Variants in IGSF10 observed in about 807,000 individuals in gnomAD.
IGSF10 encodes the protein calvaria mechanical force protein 608.
A neutral mutation model predicts 128.2 loss-of-function variants in IGSF10; 126 were observed. The observed-to-expected ratio is 0.98, with a 90% CI of 0.85 to 1.14. The LOEUF (loss-of-function observed/expected upper bound fraction) is 1.14. Ranked by LOEUF, IGSF10 falls within the 50% of genes most tolerant of loss-of-function variation. The pLI, the probability that IGSF10 is intolerant of heterozygous loss-of-function variation, is 0.00. For missense variants in IGSF10, 3,295 were observed against 3,149.8 expected (o/e 1.05, Z -1.10); for synonymous variants, 1,185 against 1,146.2 (o/e 1.03, Z -0.68).
At chr3:151,578,329 G>A in the IGSF10 span, among the ~76,000 whole-genome samples, 1 of 152,120 alleles carries the variant, frequency 6.6e-6, no homozygotes, top group Non-Finnish European at 1.5e-5. Context: ...GGTATCTTAT[G>A]GCAAGTACTC....
rs751019784 is a variant in IGSF10, at chr3:151,437,615, G to A, written c.6946C>T (p.Arg2316Ter). 38 of 1,613,814 alleles carry A rather than the reference G, an allele frequency of 2.4e-5. No individual in the cohort carries two copies. The highest frequency in any genetic ancestry group is 6.6e-5 in the South Asian group (6 of 91,058). The change falls in exon 8 of 8, where the codon CGA (arginine) becomes TGA (stop). Residue 2316 changes from arginine to a stop codon, truncating the protein, a stop_gained. Coordinates refer to ENST00000282466, the MANE Select transcript of IGSF10 (RefSeq NM_178822.5). LOFTEE classifies it low-confidence loss of function (END_TRUNC). ...SDSADFICVA[R>*]NEGGESVLVV... ...AACACGCTCTCTCCACCTTCATTTC[G>A]GGCCACACAGATAAAGTCGGCTGAA...
rs776231543 is a variant in IGSF10 at position 151,449,160 on chromosome 3, G to A, written c.821C>T (p.Ala274Val). 55 of 1,614,066 alleles carry A rather than the reference G, an allele frequency of 3.4e-5. No homozygotes were observed. The highest frequency in any genetic ancestry group is 1.6e-4 in the Middle Eastern group (1 of 6,084). ...SKGKPLAMVS[A>V]AAFQCAKPTI... ...TGGCTTGGCACACTGGAAAGCTGCAGCTGAGACCATAGCTAACGGCTTGCC... is the reference window on the plus strand; with the variant it reads ...TGGCTTGGCACACTGGAAAGCTGCAACTGAGACCATAGCTAACGGCTTGCC... Residue 274 changes from alanine (A) to valine (V), a missense_variant, in exon 6 of 8, where the codon GCT becomes GTT. By Grantham distance (64) the Ala-to-Val change is moderately conservative. Coordinates refer to ENST00000282466, the MANE Select transcript of IGSF10 (RefSeq NM_178822.5).
At chr3:151,487,981 G>T in the IGSF10 span, among the ~76,000 whole-genome samples, 4 of 152,126 alleles carry the variant, frequency 2.6e-5, no homozygotes, top group South Asian at 2.1e-4. Flanking sequence ...TCTGGCCAGG[G>T]TAATCAGGCA....
rs1337903396 is a variant in IGSF10, at chr3:151,448,583, C to T, written c.1398G>A (p.Arg466=). Residue 466 remains arginine, a synonymous_variant, in exon 6 of 8, where the codon AGG becomes AGA. Transcript: ENST00000282466. The part of the protein sequence containing the change: ...AQITLPRAEM[R]PVKHKWTMIS... ...TCATAGTCCATTTGTGTTTCACTGG[C>T]CTCATCTCTGCTCTTGGTAAAGTGA... is the stretch of plus-strand genomic sequence containing the variant. The T allele has an allele frequency of 6.2e-7, 1 of 1,614,020 alleles. No individual in the cohort carries two copies. The highest frequency in any genetic ancestry group is 1.3e-5 in the African/African-American group (1 of 75,046).
chr3:151,608,560 C>T, the IGSF10 span, among the ~76,000 whole-genome samples: 2 of 152,196 alleles, frequency 1.3e-5, no homozygotes, highest in Non-Finnish European at 2.9e-5. Context: ...CTTTCCACCA[C>T]TTACTCTCTT....
At chr3:151,547,225 C>T in the IGSF10 span, among the ~76,000 whole-genome samples, 1 of 152,066 alleles carries the variant, frequency 6.6e-6, no homozygotes, top group Admixed American at 6.6e-5. Context: ...CTTCCAAGAT[C>T]CACTCCATCC....
At chr3:151,476,691 GGCCT>G in the IGSF10 span, among the ~76,000 whole-genome samples, 3 of 152,136 alleles carry the variant, frequency 2.0e-5, no homozygotes, top group Non-Finnish European at 4.4e-5. Flanking sequence ...ACTCACCACA[GGCCT>G]GTCATCTTGT....
the IGSF10 span, among the ~76,000 whole-genome samples, chr3:151,618,662 G>C: frequency 8.6e-5 from 13 of 150,942 alleles, no homozygotes; most frequent in African/African-American, 3.2e-4. Flanking sequence ...CCCAGGAGGC[G>C]GAGCTTACAG....
the IGSF10 span, among the ~76,000 whole-genome samples, chr3:151,508,211 A>G: frequency 6.6e-6 from 1 of 152,154 alleles, no homozygotes; most frequent in South Asian, 2.1e-4. Context: ...AAGTTACTTA[A>G]AAGTTTCAAA....
chr3:151,483,067 CAA>C, the IGSF10 span, among the ~76,000 whole-genome samples: 1 of 151,674 alleles, frequency 6.6e-6, no homozygotes, highest in South Asian at 2.1e-4. Flanking sequence ...CAAATGGAAA[CAA>C]AAAGATGATA....
chr3:151,434,399 G>A (rs1051301579), downstream of IGSF10: 1 of 152,088 alleles, frequency 6.6e-6, no homozygotes, highest in Non-Finnish European at 1.5e-5. Context: ...GAACTGCTTT[G>A]TACACTGTGA....
At chr3:151,518,746 G>T in the IGSF10 span, among the ~76,000 whole-genome samples, 3 of 152,068 alleles carry the variant, frequency 2.0e-5, no homozygotes, top group South Asian at 2.1e-4. Flanking sequence ...TCAGCCAAAA[G>T]TTTTGTACTG....
chr3:151,502,374 G>A, the IGSF10 span, among the ~76,000 whole-genome samples: 16 of 152,058 alleles, frequency 1.1e-4, no homozygotes, highest in African/African-American at 3.9e-4. Context: ...AAGTGTAAGG[G>A]AAGATGGGTA....
the IGSF10 span, among the ~76,000 whole-genome samples, chr3:151,580,743 A>C: frequency 7.9e-5 from 12 of 152,334 alleles, no homozygotes; most frequent in East Asian, 2.3e-3. Flanking sequence ...ACTGTGGTTC[A>C]GTTTCCAAGG....
chr3:151,572,526 C>A, the IGSF10 span, among the ~76,000 whole-genome samples: 1 of 152,128 alleles, frequency 6.6e-6, no homozygotes, highest in Non-Finnish European at 1.5e-5. Flanking sequence ...TTATAGTATT[C>A]TCTGATGATA....
chr3:151,532,851 G>C, the IGSF10 span, among the ~76,000 whole-genome samples: 2 of 152,092 alleles, frequency 1.3e-5, no homozygotes, highest in African/African-American at 4.8e-5. Context: ...AGAAATAAAG[G>C]GTATTCAATT....
the IGSF10 span, among the ~76,000 whole-genome samples, chr3:151,556,114 A>G: frequency 2.0e-5 from 3 of 152,212 alleles, no homozygotes; most frequent in Non-Finnish European, 2.9e-5. Context: ...GTTAGTCCTC[A>G]GTAAGAATTC....
the IGSF10 span, among the ~76,000 whole-genome samples, chr3:151,584,916 G>A: frequency 6.6e-6 from 1 of 152,150 alleles, no homozygotes. Flanking sequence ...CGGGCAATAG[G>A]GCAGGGCACT....
At chr3:151,596,717 T>C in the IGSF10 span, among the ~76,000 whole-genome samples, 1 of 152,176 alleles carries the variant, frequency 6.6e-6, no homozygotes, top group African/African-American at 2.4e-5. Context: ...GGTCAGGTTT[T>C]CTCTCCCTCA....
Sources: allele counts gnomAD v4.1 joint callset (sites outside exome capture counted in the v4.1 genomes callset), GRCh38; gene constraint gnomAD v4.1.1; transcripts MANE v1.5; gene names NCBI Gene and HGNC (gene_info 2026-07-23, HGNC 2026-07-21).